The following FBXL17 variants were observed in gnomAD, a reference collection of about 807,000 sequenced individuals.
FBXL17 encodes F-box/LRR-repeat protein 17.
Under a neutral mutation model 66.2 loss-of-function variants are expected in FBXL17, and 22 were observed. The observed-to-expected ratio is 0.33, with a 90% CI of 0.24 to 0.47. The LOEUF (loss-of-function observed/expected upper bound fraction) is 0.47. FBXL17 is among the 20% of genes least tolerant of loss of function. The pLI is 1.00. For missense variants in FBXL17, 878 were observed against 948.2 expected, an observed-to-expected ratio of 0.93 and a Z score of 0.97; for synonymous variants, 474 against 400.5, an observed-to-expected ratio of 1.18 and a Z score of -2.19.
chr5:108,260,559 C>T (rs1392454186), intron 4 of FBXL17, among the ~76,000 whole-genome samples: 1 of 152,118 alleles, frequency 6.6e-6, no homozygotes, highest in East Asian at 1.9e-4. Context: ...CATCGTATTA[C>T]AAGGAGGGAA....
chr5:107,907,756 C>T (rs1031132606), intron 7 of FBXL17, among the ~76,000 whole-genome samples: 10 of 152,290 alleles, frequency 6.6e-5, no homozygotes, highest in Non-Finnish European at 1.0e-4. Flanking sequence ...TACCATCTCA[C>T]ACCAGTTAGA....
intron 7 of FBXL17, among the ~76,000 whole-genome samples, chr5:107,987,373 T>A (rs1580290108): frequency 1.3e-5 from 2 of 152,076 alleles, no homozygotes; most frequent in South Asian, 2.1e-4. Context: ...GTGAATGAAT[T>A]TTACCTCCCT....
At chr5:108,104,298 A>G (rs1444053163) in intron 6 of FBXL17, among the ~76,000 whole-genome samples, 2 of 152,170 alleles carry the variant, frequency 1.3e-5, no homozygotes, top group Non-Finnish European at 2.9e-5. Context: ...TGGCCTCCCA[A>G]AGTGCTGGGA....
chr5:108,042,163 GGATTACAGGCGT>G (rs1561381838), intron 6 of FBXL17, among the ~76,000 whole-genome samples: 1 of 152,108 alleles, frequency 6.6e-6, no homozygotes, highest in Non-Finnish European at 1.5e-5. Flanking sequence ...CAAAGTGCTG[GGATTACAGGCGT>G]GAGCCACCGC....
At chr5:108,050,738 T>C (rs912458486) in intron 6 of FBXL17, among the ~76,000 whole-genome samples, 7 of 147,704 alleles carry the variant, frequency 4.7e-5, no homozygotes, top group Non-Finnish European at 9.0e-5. Context: ...GACACGAAAC[T>C]CCCCCCCAAA....
At chr5:108,324,593 C>A (rs72791270) in intron 4 of FBXL17, among the ~76,000 whole-genome samples, 4,986 of 151,806 alleles carry the variant, frequency 0.033, 122 homozygotes, top group Non-Finnish European at 0.048. Context: ...TGGATATATA[C>A]CCCAAAGAAC....
rs186429698 is a variant in FBXL17, at chr5:108,263,612, C to T, written c.1507-39384G>A. ...AATACAGTCAAGAAACCACAGTTGT[C>T]AGCAATAAAAATCAAAGGTGTTTCC... On this transcript the variant is annotated intron_variant, in intron 4 of 8. Coordinates refer to ENST00000542267, the MANE Select transcript of FBXL17 (RefSeq NM_001163315.3). 2.6e-5 allele frequency among the ~76,000 whole-genome samples: 4 copies of T among 152,300 alleles called. No homozygotes were observed. In the East Asian group the frequency reaches 7.7e-4, roughly 29 times the overall value.
intron 3 of FBXL17, among the ~76,000 whole-genome samples, chr5:108,360,190 T>C (rs1748255596): frequency 6.6e-6 from 1 of 152,098 alleles, no homozygotes. Context: ...TTTTCTTTAT[T>C]CTTCATATGG....
chr5:107,996,489 A>G (rs1254630590), intron 7 of FBXL17, among the ~76,000 whole-genome samples: 1 of 151,944 alleles, frequency 6.6e-6, no homozygotes, highest in Non-Finnish European at 1.5e-5. Flanking sequence ...TAATTTTTGT[A>G]TTTTTAGTAG....
intron 5 of FBXL17, among the ~76,000 whole-genome samples, chr5:108,196,781 AAAT>A (rs1473848030): frequency 1.3e-5 from 2 of 150,312 alleles, no homozygotes; most frequent in Non-Finnish European, 2.9e-5. Flanking sequence ...TGTAAACATT[AAAT>A]AATAAAAAAC....
At chr5:108,269,592 A>T (rs1757183485) in intron 4 of FBXL17, among the ~76,000 whole-genome samples, 1 of 152,062 alleles carries the variant, frequency 6.6e-6, no homozygotes, top group South Asian at 2.1e-4. Flanking sequence ...CATTCTCTAG[A>T]CCTGGAGAAA....
At position 108,364,864 on chromosome 5, in the gene FBXL17, C is replaced by T. The variant is rs1342500534; in HGVS notation, c.1248G>A (p.Arg416=). ...VLAFKCPGLL[R]YTAYRCKQLS... ...GCTGTTTACACCTGTAGGCTGTATA[C>T]CTAAGAAGTCCAGGACATTTAAATG... The change falls in exon 3 of 9, where the codon AGG becomes AGA. Residue 416 remains arginine, a synonymous_variant. Transcript: ENST00000542267. 18 of 1,612,942 alleles carry T rather than the reference C, an allele frequency of 1.1e-5. No individual in the cohort carries two copies. The highest frequency in any genetic ancestry group is 1.4e-5 in the Non-Finnish European group (16 of 1,179,382).
At chr5:108,335,798 AT>A (rs1329749592) in intron 4 of FBXL17, among the ~76,000 whole-genome samples, 1 of 152,194 alleles carries the variant, frequency 6.6e-6, no homozygotes, top group Admixed American at 6.5e-5. Flanking sequence ...TATTAGAAAA[AT>A]GTGATTGTTT....
At chr5:108,223,091 C>G (rs1754942368) in intron 5 of FBXL17, among the ~76,000 whole-genome samples, 1 of 152,136 alleles carries the variant, frequency 6.6e-6, no homozygotes, top group South Asian at 2.1e-4. Flanking sequence ...AATTTTCCCA[C>G]TTAGCTAAGT....
At chr5:108,090,133 T>C (rs917468610) in intron 6 of FBXL17, among the ~76,000 whole-genome samples, 4 of 152,156 alleles carry the variant, frequency 2.6e-5, no homozygotes, top group Admixed American at 6.5e-5. Context: ...CCAGCCAAAA[T>C]TGAATGTTTT....
chr5:108,311,138 C>T (rs935019064), intron 4 of FBXL17, among the ~76,000 whole-genome samples: 4 of 152,152 alleles, frequency 2.6e-5, no homozygotes, highest in East Asian at 3.9e-4. Context: ...AGTCAACCTA[C>T]CTAGCCTTCT....
chr5:108,315,436 T>G (rs574737298), intron 4 of FBXL17, among the ~76,000 whole-genome samples: 3 of 151,448 alleles, frequency 2.0e-5, no homozygotes, highest in Admixed American at 6.6e-5. Context: ...CAATACATTA[T>G]TTATTAAAGA....
chr5:108,072,471 A>C (rs1483206832), intron 6 of FBXL17, among the ~76,000 whole-genome samples: 1 of 152,218 alleles, frequency 6.6e-6, no homozygotes, highest in Non-Finnish European at 1.5e-5. Flanking sequence ...TGGGAGGCTG[A>C]GGCGGGTGGA....
chr5:108,304,487 C>T (rs1758743120), intron 4 of FBXL17, among the ~76,000 whole-genome samples: 1 of 151,738 alleles, frequency 6.6e-6, no homozygotes, highest in African/African-American at 2.4e-5. Context: ...GAAGATTTCC[C>T]CTACTTAAAT....
Sources: allele counts gnomAD v4.1 joint callset (sites outside exome capture counted in the v4.1 genomes callset), GRCh38; gene constraint gnomAD v4.1.1; transcripts MANE v1.5; gene names NCBI Gene and HGNC (gene_info 2026-07-23, HGNC 2026-07-21).